TMEM87A: variants seen among roughly 807,000 people sequenced by gnomAD.
TMEM87A encodes transmembrane protein 87A, also known as Golgi-pH regulating cation channel.
In TMEM87A, 50 loss-of-function variants were observed where a neutral mutation model predicts 90.0. The ratio of observed to expected loss-of-function variants is 0.56; its 90% CI spans 0.44 to 0.70. The LOEUF is 0.70. Among genes scored for constraint, TMEM87A ranks in the 30% least tolerant of loss-of-function variants. TMEM87A has a pLI of 0.00. For synonymous variants in TMEM87A, 226 were observed against 226.7 expected (o/e 1.00, Z 0.03); for missense variants, 577 against 660.5 (o/e 0.87, Z 1.39).
At chr15:42,240,130 GC>G (rs1205333317) in intron 7 of TMEM87A, among the ~76,000 whole-genome samples, 1 of 152,092 alleles carries the variant, frequency 6.6e-6, no homozygotes, top group Non-Finnish European at 1.5e-5. Context: ...AGTAAAATAT[GC>G]CTTACAGGAC....
At position 42,233,315 on chromosome 15, in the gene TMEM87A, G is replaced by A. The variant is rs745999588; in HGVS notation, c.969-9C>T. ...TGACTCCAAGGCGTGGCCTAAAGAG[G>A]AAGCAAGGAGATATTTGAGTACATA... On this transcript the variant is annotated splice_polypyrimidine_tract_variant and intron_variant, in intron 10 of 19. Coordinates refer to ENST00000389834, the MANE Select transcript of TMEM87A (RefSeq NM_015497.5). The A allele has an allele frequency of 2.5e-6, 4 of 1,607,864 alleles. No individual in the cohort carries two copies. In the East Asian group the frequency reaches 8.9e-5, roughly 36 times the overall value.
chr15:42,218,361 C>G lies in TMEM87A; in HGVS notation c.1557G>C (p.Lys519Asn). The G allele has an allele frequency of 6.2e-7, 1 of 1,613,784 alleles. No individual in the cohort carries two copies. Among genetic ancestry groups the G allele is most frequent in the Non-Finnish European group, 8.5e-7 (1 of 1,179,816 alleles). Reference sequence around the variant, plus strand: ...AAGAAGGAACATTCTCTTCTACCCACTTCAAATCATCTTCCTGCTGGGAAC... The same window carrying G: ...AAGAAGGAACATTCTCTTCTACCCAGTTCAAATCATCTTCCTGCTGGGAAC... Reference protein sequence around the residue: ...KVNKAQEDDLKWVEENVPSSV... With the variant: ...KVNKAQEDDLNWVEENVPSSV... Residue 519 changes from lysine to asparagine, a missense_variant, in exon 18 of 20, where the codon AAG (lysine) becomes AAC (asparagine). Coordinates refer to ENST00000389834, the MANE Select transcript of TMEM87A (RefSeq NM_015497.5).
chr15:42,270,011 G>C (rs1408419973), intron 2 of TMEM87A, among the ~76,000 whole-genome samples: 1 of 147,858 alleles, frequency 6.8e-6, no homozygotes, highest in Admixed American at 6.8e-5. Context: ...CCCCCAAAAA[G>C]TACAAAATCA....
At position 42,231,204 on chromosome 15, in the gene TMEM87A, G is replaced by C. The variant is rs755364984; in HGVS notation, c.1119C>G (p.Ala373=). ...AFIPLAFLDT[A]LCWWIFISLT... ...ATGAGAAGGATATCCACCAGCACAA[G>C]GCAGTGTCTAGGAAAGCCAAGGGGA... Residue 373 remains alanine (A), a synonymous_variant, in exon 12 of 20, where the codon GCC becomes GCG. Transcript: ENST00000389834. The C allele has an allele frequency of 1.2e-6, 2 of 1,601,178 alleles. No homozygotes were observed. Among genetic ancestry groups the C allele is most frequent in the African/African-American group, 2.7e-5 (2 of 74,000 alleles).
chr15:42,239,655 T>G lies in TMEM87A; in HGVS notation c.684+15A>C. The G allele has an allele frequency of 6.2e-7, 1 of 1,609,152 alleles. No homozygotes were observed. The highest frequency in any genetic ancestry group is 8.5e-7 in the Non-Finnish European group (1 of 1,175,520). Reference sequence around the variant, plus strand: ...ACCATCCAATACTGAGGTTAAATAATATAAAGTCACTTACAATCATCAAGG... The same window carrying G: ...ACCATCCAATACTGAGGTTAAATAAGATAAAGTCACTTACAATCATCAAGG... On this transcript the variant is annotated intron_variant, in intron 8 of 19. Transcript: ENST00000389834.
chr15:42,234,473 A>G (rs1220001377), intron 10 of TMEM87A, among the ~76,000 whole-genome samples: 1 of 152,218 alleles, frequency 6.6e-6, no homozygotes, highest in Non-Finnish European at 1.5e-5. Context: ...GAAACCTAGA[A>G]TACTTCCTGG....
rs370570476 is a variant in TMEM87A, at chr15:42,261,262, C to G, written c.406-13G>C. On this transcript the variant is annotated splice_polypyrimidine_tract_variant and intron_variant, in intron 4 of 19. Coordinates refer to ENST00000389834, the MANE Select transcript of TMEM87A (RefSeq NM_015497.5). ...CTCCAGAAAAGGTCTATAAAAGAAA[C>G]ACAAAACAAAACATTAAAGGTGTGT... 3.1e-6 allele frequency: 5 copies of G among 1,610,670 alleles called. No individual in the cohort carries two copies. In the South Asian group the frequency reaches 3.3e-5, roughly 11 times the overall value.
chr15:42,242,096 G>GAAAAT (rs1566932255), intron 7 of TMEM87A, among the ~76,000 whole-genome samples: 1 of 147,264 alleles, frequency 6.8e-6, no homozygotes, highest in Non-Finnish European at 1.5e-5. Context: ...AAAAGAAAAA[G>GAAAAT]AAAAAAACAA....
At chr15:42,254,849 GATA>G (rs1378253630) in intron 6 of TMEM87A, among the ~76,000 whole-genome samples, 2 of 152,168 alleles carry the variant, frequency 1.3e-5, no homozygotes, top group African/African-American at 4.8e-5. Flanking sequence ...TATAGACTTT[GATA>G]ATAACATGTC....
At chr15:42,266,433 T>G (rs886869957) in intron 3 of TMEM87A, among the ~76,000 whole-genome samples, 2 of 151,956 alleles carry the variant, frequency 1.3e-5, no homozygotes, top group African/African-American at 2.4e-5. Flanking sequence ...GGACAATCAC[T>G]TGAACCCAGG....
chr15:42,223,418 A>G (rs1399258518), intron 15 of TMEM87A, among the ~76,000 whole-genome samples: 1 of 152,170 alleles, frequency 6.6e-6, no homozygotes, highest in African/African-American at 2.4e-5. Flanking sequence ...CTACGAATCA[A>G]TACATAAGTG....
At chr15:42,272,153 T>A (rs978200592) in intron 1 of TMEM87A, 30 bp from the exon 2 acceptor site, 2 of 1,518,936 alleles carry the variant, frequency 1.3e-6, no homozygotes, top group Admixed American at 3.7e-5. Flanking sequence ...ATAATTAGCC[T>A]CAGATGGCTT....
chr15:42,271,996 T>A, intron 2 of TMEM87A, 67 bp downstream of exon 2: 2 of 1,259,320 alleles, frequency 1.6e-6, no homozygotes, highest in Non-Finnish European at 1.1e-6. Context: ...ATAAAATAGG[T>A]AATTTAAAAC....
At chr15:42,226,996 T>C (rs535500779) in intron 14 of TMEM87A, 87 bp from the exon 15 acceptor site, 2 of 1,274,552 alleles carry the variant, frequency 1.6e-6, no homozygotes, top group African/African-American at 1.5e-5. Context: ...AAAAATCACT[T>C]ATTTGTTCAT....
At chr15:42,266,976 A>G (rs1045240929) in intron 3 of TMEM87A, among the ~76,000 whole-genome samples, 1 of 152,210 alleles carries the variant, frequency 6.6e-6, no homozygotes, top group Admixed American at 6.5e-5. Flanking sequence ...GAAATGGGCA[A>G]CAGAGGCTGT....
chr15:42,226,888 C>T lies in TMEM87A; in HGVS notation c.1321G>A (p.Asp441Asn). 1.2e-6 allele frequency: 2 copies of T among 1,614,072 alleles called. No individual in the cohort carries two copies. The highest frequency in any genetic ancestry group is 1.7e-6 in the Non-Finnish European group (2 of 1,180,014). Reference protein sequence around the residue: ...CQSDWRELWVDDAIWRLLFSM... With the variant: ...CQSDWRELWVNDAIWRLLFSM... ...AACAGCAAGCGCCAGATGGCATCGTCTACCCACAGCTCCCGCCAGTCCTAC... is the reference window on the plus strand; with the variant it reads ...AACAGCAAGCGCCAGATGGCATCGTTTACCCACAGCTCCCGCCAGTCCTAC... The change falls in exon 15 of 20, where the codon GAC becomes AAC. Residue 441 changes from aspartate (D) to asparagine (N), a missense_variant. Physicochemically the swap from Asp to Asn is conservative, Grantham distance 23 (BLOSUM62 1). Coordinates refer to ENST00000389834, the MANE Select transcript of TMEM87A (RefSeq NM_015497.5).
intron 2 of TMEM87A, among the ~76,000 whole-genome samples, chr15:42,270,825 G>C (rs1247422864): frequency 6.6e-6 from 1 of 152,108 alleles, no homozygotes; most frequent in African/African-American, 2.4e-5. Context: ...ACATATTCAT[G>C]GATACAGTAT....
intron 6 of TMEM87A, among the ~76,000 whole-genome samples, chr15:42,253,632 G>A (rs371227514): frequency 1.9e-3 from 293 of 152,290 alleles, no homozygotes; most frequent in African/African-American, 4.3e-3. Flanking sequence ...CCACGACTGC[G>A]AGTTGCCATC....
chr15:42,241,795 C>G (rs900518344), intron 7 of TMEM87A, among the ~76,000 whole-genome samples: 7 of 151,980 alleles, frequency 4.6e-5, no homozygotes, highest in African/African-American at 1.7e-4. Flanking sequence ...CAAGACCAGC[C>G]TGGCCAACAT....
Sources: allele counts gnomAD v4.1 joint callset (sites outside exome capture counted in the v4.1 genomes callset), GRCh38; gene constraint gnomAD v4.1.1; transcripts MANE v1.5; gene names NCBI Gene and HGNC (gene_info 2026-07-23, HGNC 2026-07-21).